Variants in CHN2 observed in about 807,000 individuals in gnomAD.
CHN2 encodes the protein beta-chimaerin.
Under a neutral mutation model 56.3 loss-of-function variants are expected in CHN2, and 35 were observed. The ratio of observed to expected loss-of-function variants is 0.62; its 90% CI spans 0.47 to 0.82. The LOEUF is 0.82. Among genes scored for constraint, CHN2 ranks in the 40% least tolerant of loss-of-function variants. The probability of loss-of-function intolerance (pLI) is 0.00; values close to 1 mark genes in which losing one functional copy is unlikely to be tolerated. For missense variants in CHN2, 491 were observed against 580.5 expected, an observed-to-expected ratio of 0.85 and a Z score of 1.58; for synonymous variants, 210 against 212.8, an observed-to-expected ratio of 0.99 and a Z score of 0.12.
At chr7:29,179,642 A>G (rs933132051) in intron 2 of CHN2, among the ~76,000 whole-genome samples, 3 of 152,270 alleles carry the variant, frequency 2.0e-5, no homozygotes. Flanking sequence ...ATATATGTAA[A>G]TAAATATTCT....
At chr7:29,284,539 G>A (rs1438452211) in intron 1 of CHN2, among the ~76,000 whole-genome samples, 1 of 152,230 alleles carries the variant, frequency 6.6e-6, no homozygotes, top group Non-Finnish European at 1.5e-5. Flanking sequence ...CCTGAGAATA[G>A]GCTTAAGGTT....
Position 29,436,546 on chromosome 7 carries a change from G to A in CHN2, c.576+35718G>A, listed in dbSNP as rs181136272. 4.1e-3 allele frequency among the ~76,000 whole-genome samples: 618 copies of A among 152,176 alleles called. 4 individuals carry two copies. Among genetic ancestry groups the A allele is most frequent in the Non-Finnish European group, 3.7e-3 (250 of 68,018 alleles). On this transcript the variant is annotated intron_variant, in intron 6 of 12. Coordinates refer to ENST00000222792, the MANE Select transcript of CHN2 (RefSeq NM_004067.4). ...TGTCCCCAGCTTGGCTATGTGAAGG[G>A]CACCCTGACCCTGGACTAAAGAGAG...
intron 1 of CHN2, among the ~76,000 whole-genome samples, chr7:29,270,230 T>C (rs954148403): frequency 6.6e-6 from 1 of 152,186 alleles, no homozygotes; most frequent in African/African-American, 2.4e-5. Flanking sequence ...GGTAGTCTTA[T>C]TGTTTCAGTC....
intron 1 of CHN2, among the ~76,000 whole-genome samples, chr7:29,267,485 C>T (rs1158634539): frequency 5.3e-5 from 8 of 152,096 alleles, no homozygotes; most frequent in Non-Finnish European, 7.4e-5. Flanking sequence ...TCAAGTGACC[C>T]TCCCACCTTG....
intron 2 of CHN2, among the ~76,000 whole-genome samples, chr7:29,147,760 C>T (rs1792958421): frequency 6.6e-6 from 1 of 152,090 alleles, no homozygotes; most frequent in South Asian, 2.1e-4. Context: ...GGACCCAGGG[C>T]AAAAGTACAA....
intron 3 of CHN2, among the ~76,000 whole-genome samples, chr7:29,386,074 C>T (rs751433849): frequency 5.9e-5 from 9 of 152,038 alleles, no homozygotes; most frequent in African/African-American, 9.7e-5. Context: ...GTGCCCTATT[C>T]GATTTCCAGA....
At chr7:29,362,065 G>A (rs1386942787) in intron 2 of CHN2, among the ~76,000 whole-genome samples, 1 of 152,128 alleles carries the variant, frequency 6.6e-6, no homozygotes, top group Non-Finnish European at 1.5e-5. Context: ...ACAGATCTGG[G>A]GGCCCCTGGC....
intron 2 of CHN2, among the ~76,000 whole-genome samples, chr7:29,174,138 C>T (rs546212199): frequency 3.3e-5 from 5 of 152,068 alleles, no homozygotes; most frequent in South Asian, 2.1e-4. Flanking sequence ...AGAGACCCCC[C>T]CGTTTGGTGG....
intron 1 of CHN2, among the ~76,000 whole-genome samples, chr7:29,201,494 G>A (rs553815201): frequency 5.3e-5 from 8 of 151,902 alleles, no homozygotes; most frequent in East Asian, 3.9e-4. Context: ...GTCATAAAGC[G>A]CTTTATATTT....
At chr7:29,218,807 G>A (rs1395588543) in intron 1 of CHN2, among the ~76,000 whole-genome samples, 1 of 126,438 alleles carries the variant, frequency 7.9e-6, no homozygotes, top group East Asian at 3.2e-4. Flanking sequence ...CTGTTGTGGG[G>A]TGGGGGGAGA....
Position 29,175,567 on chromosome 7 carries a change from C to A in CHN2, c.274+28607C>A, listed in dbSNP as rs182043051. Among the ~76,000 whole-genome samples the A allele has an allele frequency of 4.6e-5, 7 of 152,262 alleles. No individual in the cohort carries two copies. In the East Asian group the frequency reaches 1.4e-3, roughly 30 times the overall value. ...ATGTAAGACATTCCTTGCTCTTCCA[C>A]CATGATTGTGAGGCCTCCCCAGCCG... On this transcript the variant is annotated intron_variant, in intron 2 of 6. Transcript: ENST00000439384.
At chr7:29,165,829 T>A (rs1176970801) in intron 2 of CHN2, among the ~76,000 whole-genome samples, 1 of 152,248 alleles carries the variant, frequency 6.6e-6, no homozygotes, top group Admixed American at 6.5e-5. Context: ...TGTATTAATA[T>A]GGTGAATTAC....
At chr7:29,477,038 G>T (rs1786666885) in intron 6 of CHN2, among the ~76,000 whole-genome samples, 2 of 152,190 alleles carry the variant, frequency 1.3e-5, no homozygotes, top group Non-Finnish European at 2.9e-5. Context: ...ATAAAATAAG[G>T]CAAGGAGCTG....
intron 3 of CHN2, among the ~76,000 whole-genome samples, chr7:29,374,928 C>T (rs1192904346): frequency 6.6e-6 from 1 of 150,482 alleles, no homozygotes; most frequent in Non-Finnish European, 1.5e-5. Flanking sequence ...CTCTCGTTGG[C>T]CCAGGCTGGA....
chr7:29,202,255 G>T (rs1027386750), intron 1 of CHN2, among the ~76,000 whole-genome samples: 20 of 152,260 alleles, frequency 1.3e-4, no homozygotes, highest in Middle Eastern at 3.4e-3. Context: ...TACCAACCTG[G>T]CCATCAGCAG....
chr7:29,271,756 A>G (rs1790665336), intron 1 of CHN2, among the ~76,000 whole-genome samples: 1 of 152,196 alleles, frequency 6.6e-6, no homozygotes, highest in South Asian at 2.1e-4. Flanking sequence ...CTCATCAAAC[A>G]TTCTCATTGC....
chr7:29,221,421 C>T (rs939269194), intron 1 of CHN2, among the ~76,000 whole-genome samples: 7 of 152,018 alleles, frequency 4.6e-5, no homozygotes, highest in African/African-American at 1.7e-4. Context: ...TTTATAGTAA[C>T]GTTAAAAAAT....
chr7:29,375,703 G>C (rs528009561), intron 3 of CHN2, among the ~76,000 whole-genome samples: 42 of 152,350 alleles, frequency 2.8e-4, no homozygotes, highest in African/African-American at 9.9e-4. Context: ...GTGGTAGTGA[G>C]AGTGTGGATC....
intron 6 of CHN2, among the ~76,000 whole-genome samples, chr7:29,418,280 G>C (rs1245817206): frequency 6.6e-6 from 1 of 152,272 alleles, no homozygotes; most frequent in Non-Finnish European, 1.5e-5. Flanking sequence ...AGACACCCAA[G>C]TAGGGAGCAG....
Sources: allele counts gnomAD v4.1 joint callset (sites outside exome capture counted in the v4.1 genomes callset), GRCh38; gene constraint gnomAD v4.1.1; transcripts MANE v1.5; gene names NCBI Gene and HGNC (gene_info 2026-07-23, HGNC 2026-07-21).